Variants in POC5 observed in about 807,000 individuals in gnomAD.
POC5 encodes POC5 centriolar protein.
Under a neutral mutation model 62.9 loss-of-function variants are expected in POC5, and 48 were observed. The observed-to-expected ratio is 0.76, with a 90% CI of 0.61 to 0.97. The LOEUF is 0.97. Ranked by LOEUF, POC5 falls within the 50% of genes least tolerant of loss-of-function variation. The pLI, the probability that POC5 is intolerant of heterozygous loss-of-function variation, is 0.00. For synonymous variants in POC5, 236 were observed against 228.2 expected (o/e 1.03, Z -0.31); for missense variants, 696 against 679.5 (o/e 1.02, Z -0.27).
chr5:75,714,501 G>A (rs1271811173), intron 1 of POC5, among the ~76,000 whole-genome samples: 1 of 152,180 alleles, frequency 6.6e-6, no homozygotes, highest in African/African-American at 2.4e-5. Flanking sequence ...AATGGGAAGG[G>A]GATGGAGGGT....
intron 1 of POC5, among the ~76,000 whole-genome samples, chr5:75,716,381 G>GC (rs1363961793): frequency 2.0e-5 from 1 of 49,838 alleles, no homozygotes; most frequent in Non-Finnish European, 4.9e-5. Flanking sequence ...AGGTAACAGG[G>GC]GTGGGGGGGG....
intron 5 of POC5, among the ~76,000 whole-genome samples, chr5:75,695,091 A>G (rs1266263586): frequency 6.6e-6 from 1 of 152,200 alleles, no homozygotes; most frequent in Non-Finnish European, 1.5e-5. Context: ...ACTTAAAAAA[A>G]TTTCAGGTCT....
intron 6 of POC5, 35 bp from the exon 7 acceptor site, chr5:75,692,535 T>C: frequency 6.8e-7 from 1 of 1,460,246 alleles, no homozygotes; most frequent in Non-Finnish European, 9.3e-7. Context: ...ATTGTGATAT[T>C]AAAATAACAG....
At chr5:75,700,004 C>A (rs1253389357) in intron 5 of POC5, among the ~76,000 whole-genome samples, 2 of 151,872 alleles carry the variant, frequency 1.3e-5, no homozygotes, top group Non-Finnish European at 2.9e-5. Context: ...AGGAATCCAA[C>A]TTACAAGGGA....
intron 10 of POC5, among the ~76,000 whole-genome samples, chr5:75,681,283 G>A (rs1306351417): frequency 6.6e-6 from 1 of 152,074 alleles, no homozygotes; most frequent in African/African-American, 2.4e-5. Context: ...AATGGAGAAC[G>A]CAGTACCAAC....
chr5:75,685,304 G>C lies in POC5; in HGVS notation c.1310C>G (p.Ser437Trp). 1 of 1,614,058 alleles carries C rather than the reference G, an allele frequency of 6.2e-7. No individual in the cohort carries two copies. The highest frequency in any genetic ancestry group is 8.5e-7 in the Non-Finnish European group (1 of 1,179,912). The change falls in exon 10 of 12, where the codon TCG becomes TGG. Residue 437 changes from serine to tryptophan, a missense_variant. Transcript: ENST00000428202. The part of the protein sequence containing the change: ...ASATAVPSAA[S>W]MTSTRAASAS... The stretch of plus-strand genomic sequence containing the variant: ...GGAAGCAGCCCTGGTAGAAGTCATC[G>C]AAGCAGCTGAGGGAACGGCAGTCGC...
In POC5 at chr5:75,709,969, T is replaced by C. The variant is rs73766006; in HGVS notation, c.85-2094A>G. 7.9e-3 allele frequency among the ~76,000 whole-genome samples: 1,207 copies of C among 152,302 alleles called. 18 individuals carry two copies. Among genetic ancestry groups the C allele is most frequent in the African/African-American group, 0.026 (1,093 of 41,560 alleles). On this transcript the variant is annotated intron_variant, in intron 2 of 11. Transcript: ENST00000428202. The stretch of plus-strand genomic sequence containing the variant: ...TGCAGCTAGGTGTGGCCAAGAGACC[T>C]GGTCTATGGGATTCAACTGGAAATG...
rs188422103 is a variant in POC5 at position 75,683,149 on chromosome 5, A to G, written c.1407+2058T>C. 1.8e-3 allele frequency among the ~76,000 whole-genome samples: 280 copies of G among 152,250 alleles called. 2 individuals are homozygous for G. The highest frequency in any genetic ancestry group is 3.4e-3 in the Middle Eastern group (1 of 290). On this transcript the variant is annotated intron_variant, in intron 10 of 11. Transcript: ENST00000428202. ...AGGAGTTGGGGAGAAGAGGAAGACA[A>G]GCAAATCAGAATCATCTCAGGAGCT...
intron 4 of POC5, 114 bp from the exon 5 acceptor site, chr5:75,702,924 T>G (rs571619870): frequency 7.6e-6 from 6 of 784,912 alleles, no homozygotes; most frequent in Non-Finnish European, 1.2e-5. Context: ...TGAGAAAAAA[T>G]GCAGAGAAAC....
At chr5:75,684,854 T>TA (rs1254216788) in intron 10 of POC5, among the ~76,000 whole-genome samples, 3 of 150,868 alleles carry the variant, frequency 2.0e-5, no homozygotes, top group Non-Finnish European at 4.4e-5. Context: ...TTCAAAATAT[T>TA]AAATTTACAA....
At chr5:75,679,863 T>C (rs1481426932) in intron 10 of POC5, among the ~76,000 whole-genome samples, 1 of 152,102 alleles carries the variant, frequency 6.6e-6, no homozygotes, top group Non-Finnish European at 1.5e-5. Context: ...GAAATAATGA[T>C]ATAAACATAC....
intron 1 of POC5, among the ~76,000 whole-genome samples, chr5:75,713,201 A>T (rs536839250): frequency 3.9e-5 from 6 of 152,352 alleles, no homozygotes; most frequent in Middle Eastern, 3.4e-3. Flanking sequence ...GGGCCTGTTG[A>T]GCATAATAGA....
chr5:75,713,875 G>C (rs546373442), intron 1 of POC5, among the ~76,000 whole-genome samples: 1 of 152,140 alleles, frequency 6.6e-6, no homozygotes, highest in African/African-American at 2.4e-5. Flanking sequence ...TGTATGCCAC[G>C]AACAGCAAGC....
intron 2 of POC5, chr5:75,712,557 A>T: frequency 9.2e-7 from 1 of 1,087,344 alleles, no homozygotes; most frequent in Non-Finnish European, 1.4e-6. Flanking sequence ...AGAGGTAGCT[A>T]AAATGAAAAA....
chr5:75,688,503 T>C (rs184858104), intron 9 of POC5, among the ~76,000 whole-genome samples: 1 of 151,972 alleles, frequency 6.6e-6, no homozygotes, highest in African/African-American at 2.4e-5. Flanking sequence ...TGTGGATTTT[T>C]AAAAAAAATA....
intron 2 of POC5, among the ~76,000 whole-genome samples, chr5:75,709,757 A>G (rs1777268603): frequency 2.0e-5 from 3 of 152,240 alleles, no homozygotes; most frequent in African/African-American, 7.2e-5. Flanking sequence ...CATGCACAAG[A>G]TATTTACTAG....
rs543046127 is a variant in POC5 at position 75,703,344 on chromosome 5, T to C, written c.308-534A>G. 5.9e-5 allele frequency among the ~76,000 whole-genome samples: 9 copies of C among 152,226 alleles called. 1 individual carries two copies. The South Asian group carries it at 1.9e-3, about 32-fold the overall frequency. On this transcript the variant is annotated intron_variant, in intron 4 of 11. Transcript: ENST00000428202. The stretch of plus-strand genomic sequence containing the variant: ...GGATTGGTTTTAATACTATTAAAAT[T>C]CGGCCGGGCGCGGTGGCTCATGCCT...
chr5:75,675,971 C>T (rs1343460661), intron 11 of POC5, among the ~76,000 whole-genome samples: 1 of 152,150 alleles, frequency 6.6e-6, no homozygotes, highest in Non-Finnish European at 1.5e-5. Flanking sequence ...AAATGACTGC[C>T]ACTGTGTCTG....
chr5:75,674,284 G>A lies in POC5; in HGVS notation c.*151C>T. ...ATTTCTACATATAGTTACAAAGCATGGTAGAGCTTGAAAAAGCCTCTTGTA... is the reference window on the plus strand; with the variant it reads ...ATTTCTACATATAGTTACAAAGCATAGTAGAGCTTGAAAAAGCCTCTTGTA... On this transcript the variant is annotated 3_prime_UTR_variant, in exon 12 of 12. Transcript: ENST00000428202. 3.0e-6 allele frequency: 2 copies of A among 658,050 alleles called. No homozygotes were observed. Among genetic ancestry groups the A allele is most frequent in the Non-Finnish European group, 4.9e-6 (2 of 412,220 alleles). 40.8% of individuals were successfully genotyped at this position (658,050 alleles called of 1,614,324 possible).
Sources: allele counts gnomAD v4.1 joint callset (sites outside exome capture counted in the v4.1 genomes callset), GRCh38; gene constraint gnomAD v4.1.1; transcripts MANE v1.5; gene names NCBI Gene and HGNC (gene_info 2026-07-23, HGNC 2026-07-21).